Variants in MINPP1 observed in about 807,000 individuals in gnomAD.
MINPP1 encodes the protein multiple inositol-polyphosphate phosphatase 1.
In MINPP1, 28 loss-of-function variants were observed where a neutral mutation model predicts 46.1. That is an observed-to-expected ratio of 0.61 (90% CI 0.45 to 0.83). The LOEUF (loss-of-function observed/expected upper bound fraction) is 0.83, where lower values mean the gene tolerates loss of function less well. MINPP1 is among the 40% of genes least tolerant of loss of function. The pLI is 0.00. For missense variants in MINPP1, 603 were observed against 610.0 expected (o/e 0.99, Z 0.12); for synonymous variants, 268 against 249.1 (o/e 1.08, Z -0.72).
chr10:87,533,883 CAG>C (rs746131882), intron 4 of MINPP1, among the ~76,000 whole-genome samples: 11 of 152,024 alleles, frequency 7.2e-5, no homozygotes, highest in African/African-American at 2.2e-4. Context: ...CCCATTGTAA[CAG>C]GGGAAACTTG....
intron 4 of MINPP1, among the ~76,000 whole-genome samples, chr10:87,535,101 G>A (rs777245715): frequency 5.9e-5 from 9 of 152,080 alleles, no homozygotes; most frequent in Non-Finnish European, 1.2e-4. Flanking sequence ...AGTCATCTCT[G>A]CAGTTCATGG....
chr10:87,552,835 A>G lies in MINPP1; in HGVS notation c.*357A>G. ...AGTAACAAAATATCTCAGTTGGACC[A>G]TCCTTAACTTGATTGAACTGTCTAG... On this transcript the variant is annotated 3_prime_UTR_variant, in exon 5 of 5. Transcript: ENST00000371996. The G allele has an allele frequency of 3.6e-6, 1 of 280,044 alleles. No homozygotes were observed. Among genetic ancestry groups the G allele is most frequent in the South Asian group, 4.2e-5 (1 of 23,642 alleles). 17.3% of individuals were successfully genotyped at this position (280,044 alleles called of 1,614,324 possible).
chr10:87,532,036 G>A (rs2131827286), intron 4 of MINPP1, among the ~76,000 whole-genome samples: 1 of 152,268 alleles, frequency 6.6e-6, no homozygotes, highest in African/African-American at 2.4e-5. Flanking sequence ...GGTATTATAT[G>A]TGATAGTTCT....
chr10:87,534,536 AT>A (rs571043081), intron 4 of MINPP1, among the ~76,000 whole-genome samples: 4,295 of 151,576 alleles, frequency 0.028, 197 homozygotes, highest in African/African-American at 0.093. Flanking sequence ...ACCTTTGTAC[AT>A]TTTTTTTTAA....
intron 4 of MINPP1, among the ~76,000 whole-genome samples, chr10:87,542,496 C>T (rs7084422): frequency 0.014 from 2,139 of 152,176 alleles, 48 homozygotes; most frequent in African/African-American, 0.049. Flanking sequence ...GACCGGATTC[C>T]GCCATGTTGG....
Position 87,504,928 on chromosome 10 carries a change from C to G in MINPP1, c.13C>G (p.Pro5Ala). 1 of 1,610,818 alleles carries G rather than the reference C, an allele frequency of 6.2e-7. No individual in the cohort carries two copies. The highest frequency in any genetic ancestry group is 8.5e-7 in the Non-Finnish European group (1 of 1,179,206). MLRAPGCLLRTSVAP... is the reference protein window; with the variant it reads MLRAAGCLLRTSVAP... ...GACCGTCCCGACGATGCTACGCGCG[C>G]CCGGCTGCCTCCTCCGGACCTCCGT... The change falls in exon 1 of 5, where the codon CCC (proline) becomes GCC (alanine). Residue 5 changes from proline to alanine, a missense_variant. Around this residue, in one of 3 missense-constraint regions of MINPP1, gnomAD observed 239 missense variants for 189.4 expected, o/e 1.26. Transcript: ENST00000371996.
At chr10:87,542,311 C>T (rs1335534389) in intron 4 of MINPP1, among the ~76,000 whole-genome samples, 4 of 137,386 alleles carry the variant, frequency 2.9e-5, no homozygotes, top group Admixed American at 2.2e-4. Flanking sequence ...TTTTCTCTCT[C>T]TCTCTCTTTT....
intron 2 of MINPP1, among the ~76,000 whole-genome samples, chr10:87,512,842 G>T (rs1378517128): frequency 6.6e-6 from 1 of 151,912 alleles, no homozygotes; most frequent in Non-Finnish European, 1.5e-5. Context: ...AAAAAAAAAG[G>T]CAGAAAAAAG....
intron 4 of MINPP1, among the ~76,000 whole-genome samples, chr10:87,539,126 G>A (rs891725412): frequency 2.0e-5 from 3 of 152,230 alleles, no homozygotes; most frequent in Non-Finnish European, 2.9e-5. Context: ...CCATTTTCAC[G>A]CTGTTATTCC....
chr10:87,550,940 C>T (rs1851953893), intron 4 of MINPP1, among the ~76,000 whole-genome samples: 1 of 152,052 alleles, frequency 6.6e-6, no homozygotes, highest in African/African-American at 2.4e-5. Context: ...TTCCCAATTT[C>T]AGCTGCTATA....
At chr10:87,524,859 A>G (rs1244151761) in intron 4 of MINPP1, among the ~76,000 whole-genome samples, 2 of 152,212 alleles carry the variant, frequency 1.3e-5, no homozygotes, top group Non-Finnish European at 2.9e-5. Flanking sequence ...AAACAATTAC[A>G]AAAGTAACAT....
chr10:87,518,212 G>A (rs1851442078), intron 3 of MINPP1, among the ~76,000 whole-genome samples: 1 of 151,384 alleles, frequency 6.6e-6, no homozygotes, highest in Non-Finnish European at 1.5e-5. Context: ...GCCTGTCTCA[G>A]CCTCCCAAAG....
intron 4 of MINPP1, among the ~76,000 whole-genome samples, chr10:87,522,516 C>T (rs1851517233): frequency 6.6e-6 from 1 of 151,892 alleles, no homozygotes; most frequent in Non-Finnish European, 1.5e-5. Flanking sequence ...TTTTGGTTTC[C>T]CGGTGCATAT....
In MINPP1 at chr10:87,552,815, CAA is replaced by C; in HGVS notation, c.*340_*341del. 3.2e-6 allele frequency: 1 copy of C among 310,684 alleles called. No individual in the cohort carries two copies. Among genetic ancestry groups the C allele is most frequent in the South Asian group, 3.5e-5 (1 of 28,740 alleles). The allele number at this position is 310,684 out of a possible 1,614,324, so 19.2% of individuals were successfully genotyped here. A position where few individuals can be genotyped will look rare whatever the true frequency, so the allele number is the denominator to read the frequency against. ...TAACACTTGAAAAGTGCTGGAGTAACAAAATATCTCAGTTGGACCATCCTTAA... is the reference window on the plus strand; with the variant it reads ...TAACACTTGAAAAGTGCTGGAGTAACAATATCTCAGTTGGACCATCCTTAA... On this transcript the variant is annotated 3_prime_UTR_variant, in exon 5 of 5. Transcript: ENST00000371996.
At chr10:87,535,109 TG>T (rs142010333) in intron 4 of MINPP1, among the ~76,000 whole-genome samples, 1,709 of 152,344 alleles carry the variant, frequency 0.011, 35 homozygotes, top group African/African-American at 0.039. Context: ...CTGCAGTTCA[TG>T]GTAGTTGGAA....
In MINPP1 at chr10:87,504,927, G is replaced by T. The variant is rs1359317923; in HGVS notation, c.12G>T (p.Ala4=). Residue 4 remains alanine (A), a synonymous_variant, in exon 1 of 5, where the codon GCG becomes GCT. Coordinates refer to ENST00000371996, the MANE Select transcript of MINPP1 (RefSeq NM_004897.5). The stretch of plus-strand genomic sequence containing the variant: ...TGACCGTCCCGACGATGCTACGCGC[G>T]CCCGGCTGCCTCCTCCGGACCTCCG... MLR[A]PGCLLRTSVA... is the part of the protein sequence containing the mutation. 4 of 1,610,448 alleles carry T rather than the reference G, an allele frequency of 2.5e-6. No homozygotes were observed. The highest frequency in any genetic ancestry group is 2.7e-5 in the African/African-American group (2 of 74,894).
chr10:87,551,977 G>A (rs950773597), intron 4 of MINPP1, 105 bp from the exon 5 acceptor site: 6 of 879,470 alleles, frequency 6.8e-6, no homozygotes, highest in African/African-American at 3.4e-5. Context: ...AAATAGATGG[G>A]ATTATTTAAA....
chr10:87,548,021 A>G (rs940022096), intron 4 of MINPP1, among the ~76,000 whole-genome samples: 2 of 152,208 alleles, frequency 1.3e-5, no homozygotes, highest in African/African-American at 4.8e-5. Flanking sequence ...GCTCATAACC[A>G]AGTTATGCCC....
intron 4 of MINPP1, among the ~76,000 whole-genome samples, chr10:87,530,698 C>T (rs771101906): frequency 1.2e-4 from 18 of 152,166 alleles, no homozygotes; most frequent in Admixed American, 5.2e-4. Context: ...TCTCAGACTC[C>T]GTGCTGGGAG....
Sources: allele counts gnomAD v4.1 joint callset (sites outside exome capture counted in the v4.1 genomes callset), GRCh38; gene constraint gnomAD v4.1.1; regional missense constraint gnomAD v4.1.1; transcripts MANE v1.5; gene names NCBI Gene and HGNC (gene_info 2026-07-23, HGNC 2026-07-21).